TCF12: variants seen among roughly 807,000 people sequenced by gnomAD.
The protein encoded by TCF12 is DNA-binding protein HTF4.
In TCF12, 45 loss-of-function variants were observed where a neutral mutation model predicts 86.0. The ratio of observed to expected loss-of-function variants is 0.52; its 90% confidence interval spans 0.41 to 0.67. TCF12 has a LOEUF of 0.67. TCF12 is among the 30% of genes least tolerant of loss of function. TCF12 has a pLI of 0.00. For missense variants in TCF12, 881 were observed against 859.9 expected (o/e 1.02, Z -0.31); for synonymous variants, 330 against 299.6 (o/e 1.10, Z -1.05).
chr15:57,127,799 A>G (rs769889547), intron 5 of TCF12, among the ~76,000 whole-genome samples: 1 of 152,106 alleles, frequency 6.6e-6, no homozygotes, highest in Non-Finnish European at 1.5e-5. Context: ...TTGATGAGTT[A>G]ATTGGCATGT....
At chr15:57,201,795 C>T (rs2414497) in intron 8 of TCF12, among the ~76,000 whole-genome samples, 66,407 of 151,892 alleles carry the variant, frequency 0.44, 15,940 homozygotes, top group East Asian at 0.64. Context: ...TTAAACCTCC[C>T]CTCCCATTCT....
intron 3 of TCF12, among the ~76,000 whole-genome samples, chr15:57,013,569 C>T (rs1354735713): frequency 6.6e-6 from 1 of 152,150 alleles, no homozygotes; most frequent in African/African-American, 2.4e-5. Flanking sequence ...GATCTGCCTG[C>T]GTCAGTCTGC....
chr15:57,242,264 A>G (rs951292932), intron 12 of TCF12, among the ~76,000 whole-genome samples: 5 of 152,184 alleles, frequency 3.3e-5, no homozygotes, highest in Admixed American at 2.0e-4. Flanking sequence ...ATTTATCCAT[A>G]TAAGTTGGTT....
At chr15:57,010,536 C>A (rs947318960) in intron 3 of TCF12, among the ~76,000 whole-genome samples, 2 of 152,178 alleles carry the variant, frequency 1.3e-5, no homozygotes, top group African/African-American at 2.4e-5. Context: ...CACTTTCTTT[C>A]ACTGGAAGAG....
intron 7 of TCF12, 27 bp from the exon 8 acceptor site, chr15:57,197,746 A>G: frequency 6.2e-7 from 1 of 1,612,076 alleles, no homozygotes; most frequent in Non-Finnish European, 8.5e-7. Context: ...TATTATGCTG[A>G]AGAAATGTAT....
intron 16 of TCF12, among the ~76,000 whole-genome samples, chr15:57,258,991 A>G (rs1180898155): frequency 6.6e-6 from 1 of 152,146 alleles, no homozygotes; most frequent in Non-Finnish European, 1.5e-5. Context: ...GGTAGAAATT[A>G]TGTGTCTATG....
intron 3 of TCF12, among the ~76,000 whole-genome samples, chr15:56,978,794 A>G (rs1373118774): frequency 6.6e-6 from 1 of 152,208 alleles, no homozygotes; most frequent in Non-Finnish European, 1.5e-5. Context: ...TGGCCTAAGT[A>G]TTCAGCAGGC....
intron 8 of TCF12, among the ~76,000 whole-genome samples, chr15:57,223,925 T>A (rs2058746864): frequency 6.6e-6 from 1 of 151,858 alleles, no homozygotes; most frequent in African/African-American, 2.4e-5. Flanking sequence ...AAACATGAAG[T>A]CATTTTTAAA....
At chr15:57,223,393 AC>A (rs1383373322) in intron 8 of TCF12, among the ~76,000 whole-genome samples, 2 of 152,038 alleles carry the variant, frequency 1.3e-5, no homozygotes, top group Admixed American at 6.5e-5. Flanking sequence ...ACATATATAT[AC>A]TACATTGGAA....
At chr15:57,102,105 T>C (rs1380186008) in intron 5 of TCF12, among the ~76,000 whole-genome samples, 1 of 149,226 alleles carries the variant, frequency 6.7e-6, no homozygotes, top group African/African-American at 2.5e-5. Flanking sequence ...TCATGGCTTA[T>C]CAACTAAGCC....
At chr15:56,957,304 T>C (rs2140512613) in intron 3 of TCF12, among the ~76,000 whole-genome samples, 1 of 152,346 alleles carries the variant, frequency 6.6e-6, no homozygotes, top group Non-Finnish European at 1.5e-5. Context: ...AAGTTTTTTA[T>C]TTTTTAGATA....
intron 3 of TCF12, among the ~76,000 whole-genome samples, chr15:56,968,205 C>T (rs1445836572): frequency 1.3e-5 from 2 of 152,138 alleles, no homozygotes; most frequent in Non-Finnish European, 2.9e-5. Flanking sequence ...GATCCACCTG[C>T]CTTGGCCTCC....
At chr15:57,244,585 G>A (rs1566975850) in intron 13 of TCF12, among the ~76,000 whole-genome samples, 2 of 151,990 alleles carry the variant, frequency 1.3e-5, no homozygotes, top group Admixed American at 6.6e-5. Context: ...TCAGCTTCCC[G>A]AGTAGCTGGG....
At chr15:57,137,898 GC>G (rs1389928256) in intron 5 of TCF12, among the ~76,000 whole-genome samples, 1 of 152,054 alleles carries the variant, frequency 6.6e-6, no homozygotes, top group Non-Finnish European at 1.5e-5. Context: ...ATGGTGGCAG[GC>G]ATCTGTAATC....
intron 5 of TCF12, among the ~76,000 whole-genome samples, chr15:57,137,932 C>G (rs1336307217): frequency 1.3e-5 from 2 of 151,964 alleles, no homozygotes; most frequent in Non-Finnish European, 2.9e-5. Flanking sequence ...GAGGCTGAGG[C>G]AGGAGAATCA....
chr15:56,924,629 A>G (rs2059926189), intron 3 of TCF12, among the ~76,000 whole-genome samples: 2 of 152,232 alleles, frequency 1.3e-5, no homozygotes, highest in Non-Finnish European at 2.9e-5. Context: ...AATTTGTAGT[A>G]AATACATACT....
intron 3 of TCF12, among the ~76,000 whole-genome samples, chr15:56,921,555 C>G (rs753563854): frequency 6.6e-6 from 1 of 151,752 alleles, no homozygotes; most frequent in African/African-American, 2.4e-5. Context: ...CTTTTTTTAA[C>G]TTTTAAAAAC....
chr15:57,000,929 C>G (rs1488896216), intron 3 of TCF12, among the ~76,000 whole-genome samples: 1 of 151,374 alleles, frequency 6.6e-6, no homozygotes, highest in Non-Finnish European at 1.5e-5. Context: ...ACTCTACAGC[C>G]ATTTTTTTCC....
Position 57,151,848 on chromosome 15 carries a change from G to A in TCF12, c.326-14554G>A, listed in dbSNP as rs1474114812. On this transcript the variant is annotated intron_variant, in intron 5 of 20. Transcript: ENST00000333725. ...AAAGAGGCCCAAGCACACAGTTTCT[G>A]TAAGTACTGAGGCTGAACTAAAACA... Among the ~76,000 whole-genome samples the A allele has an allele frequency of 2.6e-5, 4 of 152,050 alleles. No homozygotes were observed. In the East Asian group the frequency reaches 7.7e-4, roughly 29 times the overall value.
Sources: allele counts gnomAD v4.1 joint callset (sites outside exome capture counted in the v4.1 genomes callset), GRCh38; gene constraint gnomAD v4.1.1; transcripts MANE v1.5; gene names NCBI Gene and HGNC (gene_info 2026-07-23, HGNC 2026-07-21).